Variants in CCDC112 observed in about 807,000 individuals in gnomAD.
The protein encoded by CCDC112 is coiled-coil domain-containing protein 112.
CCDC112 carries 40 observed loss-of-function variants against 66.3 expected under a neutral mutation model. That is an observed-to-expected ratio of 0.60 (90% CI 0.47 to 0.79). The LOEUF is 0.79. Ranked by LOEUF, CCDC112 falls within the 30% of genes least tolerant of loss-of-function variation. The pLI is 0.00. For missense variants in CCDC112, 659 were observed against 603.8 expected, an observed-to-expected ratio of 1.09 and a Z score of -0.96; for synonymous variants, 214 against 197.2, an observed-to-expected ratio of 1.09 and a Z score of -0.71.
In CCDC112 at chr5:115,267,253, T is replaced by C. The variant is rs564283915; in HGVS notation, c.*623A>G. On this transcript the variant is annotated 3_prime_UTR_variant, in exon 10 of 10. Transcript: ENST00000379611. ...AGAAAGGCTGAAGGAAAATTTGGAA[T>C]TGCTGAAGGAAACCAAAAAGATTAT... The C allele has an allele frequency of 6.6e-6, 1 of 152,298 alleles. No homozygotes were observed. The highest frequency in any genetic ancestry group is 1.5e-5 in the Non-Finnish European group (1 of 68,036). 9.4% of individuals were successfully genotyped at this position (152,298 alleles called of 1,614,324 possible).
At chr5:115,285,111 AGTAAGAAAT>A (rs1450303179) in intron 1 of CCDC112, among the ~76,000 whole-genome samples, 2 of 152,234 alleles carry the variant, frequency 1.3e-5, no homozygotes, top group Non-Finnish European at 2.9e-5. Flanking sequence ...TGCTAAACTG[AGTAAGAAAT>A]GTTAAATATC....
At chr5:115,279,296 G>C (rs933220892) in intron 3 of CCDC112, among the ~76,000 whole-genome samples, 2 of 152,078 alleles carry the variant, frequency 1.3e-5, no homozygotes, top group African/African-American at 4.8e-5. Context: ...CCAGGGTAAT[G>C]AGCTAACATC....
At chr5:115,290,098 A>G (rs954503565) in intron 1 of CCDC112, among the ~76,000 whole-genome samples, 12 of 152,240 alleles carry the variant, frequency 7.9e-5, no homozygotes, top group African/African-American at 2.6e-4. Context: ...GGTCATGAAG[A>G]CTCATGCCTG....
At position 115,275,622 on chromosome 5, in the gene CCDC112, T is replaced by G. The variant is rs745332682; in HGVS notation, c.528-16A>C. The G allele has an allele frequency of 6.7e-7, 1 of 1,503,496 alleles. No individual in the cohort carries two copies. The highest frequency in any genetic ancestry group is 1.2e-5 in the South Asian group (1 of 80,666). 93.1% of individuals were successfully genotyped at this position (1,503,496 alleles called of 1,614,324 possible). A position where few individuals can be genotyped will look rare whatever the true frequency, so the allele number is the denominator to read the frequency against. On this transcript the variant is annotated splice_polypyrimidine_tract_variant and intron_variant, in intron 5 of 9. Transcript: ENST00000379611. ...CTCTTCATATCTAAAATTTTAAAAA[T>G]AAAGTTTGAATAAGAAGACAATCCA... is the stretch of plus-strand genomic sequence containing the variant.
In CCDC112 at chr5:115,287,759, G is replaced by T. The variant is rs536873594; in HGVS notation, c.118-2851C>A. On this transcript the variant is annotated intron_variant, in intron 1 of 9. Transcript: ENST00000379611. Reference sequence around the variant, plus strand: ...GGGTCTTCTTATGTTGCCCAGGTTGGACTCCTGGGCTCAAATGATCCTCTC... The same window carrying T: ...GGGTCTTCTTATGTTGCCCAGGTTGTACTCCTGGGCTCAAATGATCCTCTC... 1.5e-4 allele frequency among the ~76,000 whole-genome samples: 21 copies of T among 142,796 alleles called. No homozygotes were observed. In the South Asian group the frequency reaches 4.2e-3, roughly 29 times the overall value. 93.7% of individuals were successfully genotyped at this position (142,796 alleles called of 152,430 possible).
Position 115,296,580 on chromosome 5 carries a change from C to A in CCDC112, c.-37G>T. On this transcript the variant is annotated 5_prime_UTR_variant, in exon 1 of 10. Coordinates refer to ENST00000379611, the MANE Select transcript of CCDC112 (RefSeq NM_001040440.3). ...GAGCTACTCGGGCCGCGGCGGCCAC[C>A]GGTGCCTGGGGATTCGTGGCAGGCG... 7.0e-7 allele frequency: 1 copy of A among 1,437,200 alleles called. No homozygotes were observed. The highest frequency in any genetic ancestry group is 9.1e-7 in the Non-Finnish European group (1 of 1,099,190). The allele number at this position is 1,437,200 out of a possible 1,614,324, so 89.0% of individuals were successfully genotyped here.
intron 2 of CCDC112, among the ~76,000 whole-genome samples, chr5:115,280,740 T>G (rs1484434728): frequency 1.3e-5 from 2 of 151,548 alleles, no homozygotes; most frequent in East Asian, 3.9e-4. Flanking sequence ...TTTTGATAGA[T>G]ATAGGGTTTT....
At chr5:115,292,407 G>T (rs1262409296) in intron 1 of CCDC112, among the ~76,000 whole-genome samples, 1 of 151,704 alleles carries the variant, frequency 6.6e-6, no homozygotes, top group Non-Finnish European at 1.5e-5. Flanking sequence ...CTTTCTCTTA[G>T]TTCTTTAGAT....
intron 8 of CCDC112, 31 bp downstream of exon 8, chr5:115,269,672 T>A (rs1748915951): frequency 7.0e-7 from 1 of 1,433,402 alleles, no homozygotes; most frequent in Non-Finnish European, 9.6e-7. Context: ...ATTAGGATAA[T>A]AACAATGAAA....
rs1292054040 is a variant in CCDC112, at chr5:115,268,975, G to A, written c.1454C>T (p.Pro485Leu). The change falls in exon 9 of 10, where the codon CCC becomes CTC. Residue 485 changes from proline (P) to leucine (L), a missense_variant. Coordinates refer to ENST00000379611, the MANE Select transcript of CCDC112 (RefSeq NM_001040440.3). ...EKVENNVSRD[P>L]SRLYKPTKGW... ...TTTGGTGGGTTTGTAAAGCCTAGAG[G>A]GATCTCTACTAACATTGTTTTCAAC... is the stretch of plus-strand genomic sequence containing the variant. The A allele has an allele frequency of 6.3e-7, 1 of 1,598,176 alleles. No individual in the cohort carries two copies.
intron 2 of CCDC112, among the ~76,000 whole-genome samples, chr5:115,280,066 T>C (rs1410874955): frequency 1.3e-5 from 2 of 152,204 alleles, no homozygotes; most frequent in Non-Finnish European, 2.9e-5. Context: ...TGACTATTGA[T>C]TCCAACTCAA....
chr5:115,291,338 G>A (rs1201588851), intron 1 of CCDC112, among the ~76,000 whole-genome samples: 1 of 152,024 alleles, frequency 6.6e-6, no homozygotes, highest in Non-Finnish European at 1.5e-5. Context: ...AACTGCAATT[G>A]ATCATGGTGT....
At position 115,271,273 on chromosome 5, in the gene CCDC112, CT is replaced by C; in HGVS notation, c.1271del (p.Lys424ArgfsTer28). The C allele has an allele frequency of 1.2e-6, 2 of 1,601,084 alleles. No homozygotes were observed. The highest frequency in any genetic ancestry group is 1.8e-5 in the Admixed American group (1 of 57,010). ...TTTTCCTTTTTTCTGCCTTTTCTGC[CT>C]TTTCCCTTATCTCCTTTTCAAGCCT... ...FLRLEKEIRE[K>X]AEKAEKRKNA... On this transcript the variant is annotated frameshift_variant, in exon 7 of 10. Coordinates refer to ENST00000379611, the MANE Select transcript of CCDC112 (RefSeq NM_001040440.3). LOFTEE classifies it high-confidence loss of function.
intron 1 of CCDC112, among the ~76,000 whole-genome samples, chr5:115,288,476 T>C (rs1257245173): frequency 6.6e-6 from 1 of 152,172 alleles, no homozygotes; most frequent in Admixed American, 6.5e-5. Context: ...ACAATGTTAT[T>C]AGGAAAATAT....
chr5:115,292,599 G>C lies in CCDC112; in HGVS notation c.117+3828C>G, dbSNP rs970429267. Among the ~76,000 whole-genome samples, 4 of 152,138 alleles carry C rather than the reference G, an allele frequency of 2.6e-5. No homozygotes were observed. The East Asian group carries it at 7.7e-4, about 29-fold the overall frequency. On this transcript the variant is annotated intron_variant, in intron 1 of 9. Transcript: ENST00000379611. ...GACTGGACATATAAAATAATATAATGGACAACTCCAAAAATGAGATTCTCT... is the reference window on the plus strand; with the variant it reads ...GACTGGACATATAAAATAATATAATCGACAACTCCAAAAATGAGATTCTCT...
chr5:115,292,968 T>C (rs1010560961), intron 1 of CCDC112, among the ~76,000 whole-genome samples: 3 of 152,222 alleles, frequency 2.0e-5, no homozygotes, highest in Non-Finnish European at 4.4e-5. Context: ...GTGTCTCCTA[T>C]TGCTGCTGTA....
In CCDC112 at chr5:115,296,428, T is replaced by G; in HGVS notation, c.116A>C (p.Gln39Pro). 1 of 1,567,642 alleles carries G rather than the reference T, an allele frequency of 6.4e-7. No individual in the cohort carries two copies. The highest frequency in any genetic ancestry group is 8.6e-7 in the Non-Finnish European group (1 of 1,165,264). The change falls in exon 1 of 10, where the codon CAG becomes CCG. Residue 39 changes from glutamine to proline, a missense_variant and splice_region_variant. By Grantham distance (76) the Gln-to-Pro change is moderately conservative (BLOSUM62 -1). Transcript: ENST00000379611. ...AGCTCTCGGTTCTCCCGGATTTACC[T>G]GTTGAGGCGCTGGCGTCGCTCCCAC... ...TGVGATPAPQQSDGCFSTSGG... is the reference protein window; with the variant it reads ...TGVGATPAPQPSDGCFSTSGG...
At chr5:115,287,364 T>C (rs1363948078) in intron 1 of CCDC112, among the ~76,000 whole-genome samples, 1 of 152,224 alleles carries the variant, frequency 6.6e-6, no homozygotes, top group Non-Finnish European at 1.5e-5. Flanking sequence ...TTTAAAAATT[T>C]GGCTGTCTAT....
rs1178650288 is a variant in CCDC112 at position 115,267,776 on chromosome 5, G to T, written c.*100C>A. ...CACAATATAGCACAATAATCAATCT[G>T]ACTAAGCTATTGATATTTAAAGAAT... On this transcript the variant is annotated 3_prime_UTR_variant, in exon 10 of 10. Coordinates refer to ENST00000379611, the MANE Select transcript of CCDC112 (RefSeq NM_001040440.3). 2.1e-6 allele frequency: 2 copies of T among 934,312 alleles called. No homozygotes were observed. Among genetic ancestry groups the T allele is most frequent in the Non-Finnish European group, 3.5e-6 (2 of 569,372 alleles). The allele number at this position is 934,312 out of a possible 1,614,324, so 57.9% of individuals were successfully genotyped here. A position where few individuals can be genotyped will look rare whatever the true frequency, so the allele number is the denominator to read the frequency against.
Sources: allele counts gnomAD v4.1 joint callset (sites outside exome capture counted in the v4.1 genomes callset), GRCh38; gene constraint gnomAD v4.1.1; transcripts MANE v1.5; gene names NCBI Gene and HGNC (gene_info 2026-07-23, HGNC 2026-07-21).